Variants in NEGR1 observed in about 807,000 individuals in gnomAD.
The protein encoded by NEGR1 is IgLON family member 4.
Under a neutral mutation model 40.9 loss-of-function variants are expected in NEGR1, and 10 were observed. The observed-to-expected ratio is 0.24, with a 90% CI of 0.15 to 0.42. NEGR1 has a LOEUF of 0.42. NEGR1 is among the 10% of genes least tolerant of loss of function. NEGR1 has a pLI of 1.00. For missense variants in NEGR1, 352 were observed against 438.9 expected, an observed-to-expected ratio of 0.80 and a Z score of 1.77; for synonymous variants, 185 against 166.8, an observed-to-expected ratio of 1.11 and a Z score of -0.84.
intron 2 of NEGR1, among the ~76,000 whole-genome samples, chr1:71,917,501 A>G (rs569768612): frequency 6.6e-5 from 10 of 152,282 alleles, no homozygotes; most frequent in African/African-American, 2.4e-4. Context: ...AAATGTAAAG[A>G]GTAAGTCGGA....
At chr1:71,609,808 A>C (rs1042518974) in intron 5 of NEGR1, among the ~76,000 whole-genome samples, 1 of 152,172 alleles carries the variant, frequency 6.6e-6, no homozygotes, top group Non-Finnish European at 1.5e-5. Context: ...TCCCCACCCA[A>C]AATCTCATCC....
At chr1:71,947,089 TACACACAC>T (rs3078155) in intron 1 of NEGR1, among the ~76,000 whole-genome samples, 1,329 of 129,130 alleles carry the variant, frequency 0.01, 22 homozygotes, top group African/African-American at 0.034. Context: ...TCCTGTCTCA[TACACACAC>T]ACACACACAC....
intron 4 of NEGR1, among the ~76,000 whole-genome samples, chr1:71,682,498 T>G (rs775077907): frequency 9.9e-5 from 15 of 152,246 alleles, no homozygotes; most frequent in Non-Finnish European, 1.6e-4. Flanking sequence ...CAGAGTTATT[T>G]TTGAGGCCTA....
chr1:71,704,969 AT>A (rs1653836638), intron 3 of NEGR1, among the ~76,000 whole-genome samples: 1 of 152,054 alleles, frequency 6.6e-6, no homozygotes, highest in Non-Finnish European at 1.5e-5. Flanking sequence ...CAAAAAAAAA[AT>A]TAAACAATAT....
At chr1:72,186,956 T>A (rs1300568828) in intron 1 of NEGR1, among the ~76,000 whole-genome samples, 4 of 151,628 alleles carry the variant, frequency 2.6e-5, no homozygotes, top group Non-Finnish European at 3.0e-5. Context: ...CCCTTGAAAG[T>A]CAAATGCTTG....
At chr1:72,179,979 T>A (rs960462812) in intron 1 of NEGR1, among the ~76,000 whole-genome samples, 3 of 151,972 alleles carry the variant, frequency 2.0e-5, no homozygotes, top group Admixed American at 2.0e-4. Flanking sequence ...GCAGATTCAA[T>A]GGAATACCCA....
intron 6 of NEGR1, among the ~76,000 whole-genome samples, chr1:71,553,258 T>C (rs561523416): frequency 6.6e-6 from 1 of 151,670 alleles, no homozygotes; most frequent in South Asian, 2.1e-4. Flanking sequence ...CATCTCTAAG[T>C]TTTTCTGTCT....
At chr1:71,500,010 A>G (rs1435459066) in intron 6 of NEGR1, among the ~76,000 whole-genome samples, 1 of 152,122 alleles carries the variant, frequency 6.6e-6, no homozygotes, top group African/African-American at 2.4e-5. Context: ...TAGAAACACA[A>G]ATTAAAAGGC....
chr1:72,215,611 CTCA>C (rs2100471222), intron 1 of NEGR1, among the ~76,000 whole-genome samples: 1 of 152,192 alleles, frequency 6.6e-6, no homozygotes, highest in African/African-American at 2.4e-5. Context: ...GTGAAAAAAG[CTCA>C]TCATCACTGG....
At chr1:71,813,515 C>A (rs1043461809) in intron 2 of NEGR1, among the ~76,000 whole-genome samples, 3 of 151,810 alleles carry the variant, frequency 2.0e-5, no homozygotes, top group Admixed American at 1.3e-4. Flanking sequence ...TCTATAAATT[C>A]TTTTGGAAAC....
At chr1:71,916,604 A>T (rs1473872225) in intron 2 of NEGR1, among the ~76,000 whole-genome samples, 1 of 151,828 alleles carries the variant, frequency 6.6e-6, no homozygotes, top group East Asian at 1.9e-4. Flanking sequence ...AAAATACAAA[A>T]AATTAGCCAG....
intron 2 of NEGR1, among the ~76,000 whole-genome samples, chr1:71,932,305 T>TTTG (rs1645863357): frequency 6.6e-6 from 1 of 152,218 alleles, no homozygotes; most frequent in African/African-American, 2.4e-5. Flanking sequence ...TTTGTTTTTT[T>TTTG]TTGTTGTTGT....
intron 4 of NEGR1, among the ~76,000 whole-genome samples, chr1:71,630,375 G>A (rs1231866829): frequency 6.6e-6 from 1 of 151,908 alleles, no homozygotes; most frequent in East Asian, 1.9e-4. Flanking sequence ...TTTTGGTAAA[G>A]TGTTAAATGG....
At chr1:71,904,200 G>T (rs2101866471) in intron 2 of NEGR1, among the ~76,000 whole-genome samples, 1 of 152,000 alleles carries the variant, frequency 6.6e-6, no homozygotes, top group South Asian at 2.1e-4. Flanking sequence ...GGAAAAAGAG[G>T]ACTTGCGGAT....
chr1:71,749,273 A>G (rs1050322980), intron 3 of NEGR1, among the ~76,000 whole-genome samples: 7 of 152,194 alleles, frequency 4.6e-5, no homozygotes, highest in Non-Finnish European at 8.8e-5. Context: ...AATAAAACAC[A>G]AGATAGAATA....
chr1:71,422,035 A>C (rs183771983), intron 6 of NEGR1, among the ~76,000 whole-genome samples: 1 of 152,126 alleles, frequency 6.6e-6, no homozygotes, highest in Admixed American at 6.5e-5. Context: ...ATACTATTTA[A>C]ACTATTCTTC....
chr1:71,971,744 CATT>C (rs1407394729), intron 1 of NEGR1, among the ~76,000 whole-genome samples: 1 of 152,156 alleles, frequency 6.6e-6, no homozygotes, highest in Non-Finnish European at 1.5e-5. Flanking sequence ...TGACTACACA[CATT>C]ATTTTCAGTC....
chr1:71,560,429 T>TTATATATATATATACATATATA (rs1648411261), intron 6 of NEGR1, among the ~76,000 whole-genome samples: 2 of 114,266 alleles, frequency 1.8e-5, no homozygotes, highest in Non-Finnish European at 3.7e-5. Flanking sequence ...TAATTCTCCA[T>TTATATATATATATACATATATA]TATATATATA....
chr1:71,982,428 C>T (rs1406986018), intron 1 of NEGR1, among the ~76,000 whole-genome samples: 1 of 152,156 alleles, frequency 6.6e-6, no homozygotes, highest in Non-Finnish European at 1.5e-5. Flanking sequence ...ACAATACAGC[C>T]AGCCTAGAAT....
Sources: allele counts gnomAD v4.1 joint callset (sites outside exome capture counted in the v4.1 genomes callset), GRCh38; gene constraint gnomAD v4.1.1; transcripts MANE v1.5; gene names NCBI Gene and HGNC (gene_info 2026-07-23, HGNC 2026-07-21).